The following FHIT variants were observed in gnomAD, a reference collection of about 807,000 sequenced individuals.
FHIT encodes fragile histidine triad diadenosine triphosphatase, also known as bis(5'-adenosyl)-triphosphatase.
A neutral mutation model predicts 17.9 loss-of-function variants in FHIT; 19 were observed. That is an observed-to-expected ratio of 1.06 (90% confidence interval 0.74 to 1.56). The LOEUF (loss-of-function observed/expected upper bound fraction) is 1.56. Among genes scored for constraint, FHIT ranks in the 40% most tolerant of loss-of-function variants. FHIT has a pLI of 0.00. For synonymous variants in FHIT, 81 were observed against 69.7 expected, an observed-to-expected ratio of 1.16 and a Z score of -0.81; for missense variants, 248 against 189.2, an observed-to-expected ratio of 1.31 and a Z score of -1.82.
At chr3:60,024,784 G>A (rs1700677259) in intron 5 of FHIT, among the ~76,000 whole-genome samples, 1 of 152,232 alleles carries the variant, frequency 6.6e-6, no homozygotes, top group South Asian at 2.1e-4. Context: ...GGATCTTCAG[G>A]AAAGAGTGCA....
intron 8 of FHIT, among the ~76,000 whole-genome samples, chr3:59,753,914 G>A (rs1380209320): frequency 6.6e-6 from 1 of 152,062 alleles, no homozygotes; most frequent in Non-Finnish European, 1.5e-5. Flanking sequence ...GCATCCCACA[G>A]ATACTGTTCC....
At chr3:59,903,387 C>T (rs9844365) in intron 8 of FHIT, among the ~76,000 whole-genome samples, 37,563 of 152,076 alleles carry the variant, frequency 0.25, 8,337 homozygotes, top group African/African-American at 0.6. Flanking sequence ...CTGAATATAC[C>T]TGAAATCACT....
In FHIT at chr3:60,324,573, G is replaced by GGAAAAAAAAAAAAAAAAAA. The variant is rs757433390; in HGVS notation, c.103+212286_103+212287insTTTTTTTTTTTTTTTTTTC. ...TGGGTGACAGAGCGAGACTCCATCA[G>GGAAAAAAAAAAAAAAAAAA]AAAAAAAAAAAAAAGAATTCCAGTT... On this transcript the variant is annotated intron_variant, in intron 5 of 9. Coordinates refer to ENST00000492590, the MANE Select transcript of FHIT (RefSeq NM_002012.4). Among the ~76,000 whole-genome samples, 51 of 128,854 alleles carry GGAAAAAAAAAAAAAAAAAA rather than the reference G, an allele frequency of 4.0e-4. 2 individuals are homozygous for GGAAAAAAAAAAAAAAAAAA. The highest frequency in any genetic ancestry group is 1.5e-3 in the African/African-American group (51 of 33,820). 84.5% of individuals were successfully genotyped at this position (128,854 alleles called of 152,430 possible). A position where few individuals can be genotyped will look rare whatever the true frequency, so the allele number is the denominator to read the frequency against.
chr3:60,545,838 G>A (rs1433820564), intron 4 of FHIT, among the ~76,000 whole-genome samples: 2 of 122,488 alleles, frequency 1.6e-5, no homozygotes, highest in South Asian at 6.5e-4. Flanking sequence ...CTATATACAT[G>A]AGACATCAAA....
At chr3:60,814,553 C>A (rs1229099112) in intron 4 of FHIT, among the ~76,000 whole-genome samples, 1 of 152,182 alleles carries the variant, frequency 6.6e-6, no homozygotes, top group Non-Finnish European at 1.5e-5. Context: ...TTTTTTATTA[C>A]TGCATAATAT....
intron 5 of FHIT, among the ~76,000 whole-genome samples, chr3:60,358,609 G>A (rs1347578558): frequency 6.6e-6 from 1 of 152,204 alleles, no homozygotes. Context: ...ATTTCAGAAA[G>A]AGCATAGTGA....
chr3:59,921,598 C>T (rs79060737), intron 8 of FHIT, among the ~76,000 whole-genome samples: 1 of 152,216 alleles, frequency 6.6e-6, no homozygotes, highest in Admixed American at 6.5e-5. Flanking sequence ...CTAATCTGCT[C>T]TACCGTGTGG....
At chr3:60,168,196 C>T (rs1701261437) in intron 5 of FHIT, among the ~76,000 whole-genome samples, 1 of 152,216 alleles carries the variant, frequency 6.6e-6, no homozygotes, top group African/African-American at 2.4e-5. Context: ...GAAAGAATTG[C>T]CTGTTGGATG....
chr3:60,409,676 T>C (rs1701995166), intron 5 of FHIT, among the ~76,000 whole-genome samples: 1 of 152,192 alleles, frequency 6.6e-6, no homozygotes, highest in Non-Finnish European at 1.5e-5. Flanking sequence ...CTGAAAGTAA[T>C]ACATCTAAAG....
intron 5 of FHIT, among the ~76,000 whole-genome samples, chr3:60,243,087 T>G (rs114081049): frequency 0.014 from 2,147 of 151,984 alleles, 55 homozygotes; most frequent in African/African-American, 0.05. Flanking sequence ...AAATTAGATT[T>G]GGGCCACTCA....
At chr3:60,624,319 T>C (rs1203863788) in intron 4 of FHIT, among the ~76,000 whole-genome samples, 3 of 152,116 alleles carry the variant, frequency 2.0e-5, no homozygotes, top group Non-Finnish European at 4.4e-5. Flanking sequence ...AACTTGACAA[T>C]GATGAACACA....
At chr3:60,367,743 A>G (rs1700167098) in intron 5 of FHIT, among the ~76,000 whole-genome samples, 1 of 152,210 alleles carries the variant, frequency 6.6e-6, no homozygotes, top group Admixed American at 6.5e-5. Context: ...ACAAATGTAT[A>G]CACACATACA....
At chr3:60,039,513 G>T (rs140364106) in intron 5 of FHIT, among the ~76,000 whole-genome samples, 46 of 152,292 alleles carry the variant, frequency 3.0e-4, no homozygotes, top group African/African-American at 1.0e-3. Flanking sequence ...AGTCCTTGGA[G>T]AATGCAGATA....
chr3:59,838,630 A>G (rs188510667), intron 8 of FHIT, among the ~76,000 whole-genome samples: 2 of 152,286 alleles, frequency 1.3e-5, no homozygotes, highest in Admixed American at 1.3e-4. Context: ...ACCTGGGCTC[A>G]TATGCCAGCT....
chr3:60,320,193 T>C (rs1355636247), intron 5 of FHIT, among the ~76,000 whole-genome samples: 1 of 152,214 alleles, frequency 6.6e-6, no homozygotes, highest in Admixed American at 6.5e-5. Context: ...TAAAAACAAT[T>C]ACAACGTTAA....
At chr3:60,430,041 C>A (rs1702820061) in intron 5 of FHIT, among the ~76,000 whole-genome samples, 1 of 151,904 alleles carries the variant, frequency 6.6e-6, no homozygotes, top group Non-Finnish European at 1.5e-5. Flanking sequence ...TACTGACTGA[C>A]TGGAGAAGAA....
chr3:60,522,486 CATAGTGGTAGACTGGAGGATGG>C (rs1256234619), intron 5 of FHIT, among the ~76,000 whole-genome samples: 1 of 152,144 alleles, frequency 6.6e-6, no homozygotes, highest in Non-Finnish European at 1.5e-5. Context: ...ATGTCAGCTA[CATAGTGGTAGACTGGAGGATGG>C]ATAGTGGTAG....
chr3:60,124,368 A>AAT (rs1233117714), intron 5 of FHIT, among the ~76,000 whole-genome samples: 1 of 152,008 alleles, frequency 6.6e-6, no homozygotes, highest in Non-Finnish European at 1.5e-5. Flanking sequence ...CAGGTTCATT[A>AAT]ATAAAATGTC....
At chr3:60,793,732 T>C (rs190015639) in intron 4 of FHIT, among the ~76,000 whole-genome samples, 1 of 152,288 alleles carries the variant, frequency 6.6e-6, no homozygotes, top group East Asian at 1.9e-4. Context: ...GAGGGACGTT[T>C]TCCCACCAGA....
Sources: gnomAD v4.1 joint callset for allele counts (sites outside exome capture counted in the v4.1 genomes callset) on GRCh38, gnomAD v4.1.1 for gene constraint, MANE v1.5 for transcripts, NCBI Gene and HGNC (gene_info 2026-07-23, HGNC 2026-07-21) for gene names.